Variants in LSAMP observed in about 807,000 individuals in gnomAD.
LSAMP encodes limbic system-associated membrane protein.
In LSAMP, 7 loss-of-function variants were observed where a neutral mutation model predicts 38.6. That is an observed-to-expected ratio of 0.18 (90% confidence interval 0.10 to 0.34). The LOEUF (loss-of-function observed/expected upper bound fraction) is 0.34, where lower values mean the gene tolerates loss of function less well. Among genes scored for constraint, LSAMP ranks in the 10% least tolerant of loss-of-function variants. The pLI, the probability that LSAMP is intolerant of heterozygous loss-of-function variation, is 1.00. For missense variants in LSAMP, 313 were observed against 420.0 expected (o/e 0.75, Z 2.23); for synonymous variants, 154 against 166.8 (o/e 0.92, Z 0.59).
chr3:115,881,304 A>G (rs1336446955), intron 3 of LSAMP, among the ~76,000 whole-genome samples: 2 of 152,252 alleles, frequency 1.3e-5, no homozygotes, highest in Non-Finnish European at 2.9e-5. Flanking sequence ...GCATTAGTAA[A>G]TCAAATTGTC....
At chr3:115,994,679 T>A (rs1241583786) in intron 3 of LSAMP, among the ~76,000 whole-genome samples, 2 of 151,984 alleles carry the variant, frequency 1.3e-5, no homozygotes, top group Non-Finnish European at 2.9e-5. Context: ...TAATGTAGAG[T>A]CATTAAGAGC....
chr3:115,880,645 AG>A (rs1282247006), intron 3 of LSAMP, among the ~76,000 whole-genome samples: 1 of 152,188 alleles, frequency 6.6e-6, no homozygotes, highest in African/African-American at 2.4e-5. Context: ...GTAACCACTG[AG>A]TAAATAGAGA....
chr3:116,382,759 C>T (rs1355150899), intron 1 of LSAMP, among the ~76,000 whole-genome samples: 2 of 151,936 alleles, frequency 1.3e-5, no homozygotes, highest in Non-Finnish European at 2.9e-5. Context: ...TTTAAAGTCC[C>T]CGAGTTTGTT....
chr3:116,380,368 G>A (rs1367485265), intron 1 of LSAMP, among the ~76,000 whole-genome samples: 1 of 151,942 alleles, frequency 6.6e-6, no homozygotes, highest in Admixed American at 6.6e-5. Flanking sequence ...TCATTAAAAG[G>A]TAGTATCTAT....
intron 1 of LSAMP, among the ~76,000 whole-genome samples, chr3:116,236,383 C>T (rs2046465912): frequency 1.3e-5 from 2 of 151,938 alleles, no homozygotes; most frequent in Admixed American, 1.3e-4. Flanking sequence ...ATAAGGTTTC[C>T]AATTTGTTTT....
chr3:116,377,576 G>A (rs2048509930), intron 1 of LSAMP, among the ~76,000 whole-genome samples: 1 of 151,966 alleles, frequency 6.6e-6, no homozygotes, highest in Admixed American at 6.6e-5. Flanking sequence ...AACGATTTAT[G>A]TTCCTTTGGA....
chr3:116,078,151 T>C (rs1559733889), intron 2 of LSAMP, among the ~76,000 whole-genome samples: 1 of 152,142 alleles, frequency 6.6e-6, no homozygotes, highest in Admixed American at 6.5e-5. Flanking sequence ...CTTGCAAGTT[T>C]TAGTATCCAT....
At chr3:115,913,809 A>T (rs956288226) in intron 3 of LSAMP, among the ~76,000 whole-genome samples, 22 of 152,108 alleles carry the variant, frequency 1.4e-4, no homozygotes, top group Non-Finnish European at 2.9e-5. Context: ...TTTTTCATGC[A>T]TGTGTCCCAA....
rs919119663 is a variant in LSAMP, at chr3:115,804,789, A to G, written c.*5528T>C. 1 of 152,142 alleles carries G rather than the reference A, an allele frequency of 6.6e-6. No individual in the cohort carries two copies. Among genetic ancestry groups the G allele is most frequent in the Admixed American group, 6.6e-5 (1 of 15,264 alleles). 9.4% of individuals were successfully genotyped at this position (152,142 alleles called of 1,614,324 possible). On this transcript the variant is annotated 3_prime_UTR_variant, in exon 7 of 7. Transcript: ENST00000490035. The stretch of plus-strand genomic sequence containing the variant: ...TGTCAGGCACTTCAAAAAGACTCCA[A>G]GAGAACATGCCTGAGAAAGATAACT...
At chr3:116,285,009 T>A (rs925144622) in intron 1 of LSAMP, among the ~76,000 whole-genome samples, 1 of 152,222 alleles carries the variant, frequency 6.6e-6, no homozygotes, top group South Asian at 2.1e-4. Context: ...AATGACTGAA[T>A]GATGTTGCTA....
Position 116,177,804 on chromosome 3 carries a change from T to C in LSAMP, c.156-91248A>G, listed in dbSNP as rs147423418. ...TTTAGCATTTATTGAGCACCTACTA[T>C]AGGGAATCACATCCTAGTTATTATG... is the stretch of plus-strand genomic sequence containing the variant. On this transcript the variant is annotated intron_variant, in intron 1 of 6. Coordinates refer to ENST00000490035, the MANE Select transcript of LSAMP (RefSeq NM_002338.5). Among the ~76,000 whole-genome samples the C allele has an allele frequency of 1.6e-3, 251 of 152,224 alleles. 1 individual carries two copies. Among genetic ancestry groups the C allele is most frequent in the African/African-American group, 5.4e-3 (224 of 41,540 alleles).
chr3:116,127,815 T>C (rs570067692), intron 1 of LSAMP, among the ~76,000 whole-genome samples: 3 of 151,808 alleles, frequency 2.0e-5, no homozygotes, highest in South Asian at 4.1e-4. Flanking sequence ...GACATTTCTA[T>C]ATTTCTGCCT....
chr3:116,062,806 T>A (rs1262549095), intron 2 of LSAMP, among the ~76,000 whole-genome samples: 1 of 152,202 alleles, frequency 6.6e-6, no homozygotes, highest in East Asian at 1.9e-4. Context: ...AGAGCCCAAC[T>A]CCAGATATTA....
intron 2 of LSAMP, among the ~76,000 whole-genome samples, chr3:116,081,118 G>C (rs1179310239): frequency 1.3e-5 from 2 of 152,126 alleles, no homozygotes; most frequent in African/African-American, 4.8e-5. Context: ...TGCAAAACTT[G>C]CTTCTAAAAA....
chr3:115,837,654 A>G (rs2107495808), intron 6 of LSAMP, among the ~76,000 whole-genome samples: 1 of 152,298 alleles, frequency 6.6e-6, no homozygotes, highest in East Asian at 1.9e-4. Flanking sequence ...TCGTTGAGTG[A>G]AAAAAGGAGA....
chr3:116,114,748 G>A (rs1708705489), intron 1 of LSAMP, among the ~76,000 whole-genome samples: 1 of 152,146 alleles, frequency 6.6e-6, no homozygotes, highest in Non-Finnish European at 1.5e-5. Context: ...TGAATCCCTT[G>A]GGTAGATTGT....
At chr3:116,236,182 T>C (rs1420119511) in intron 1 of LSAMP, among the ~76,000 whole-genome samples, 2 of 152,158 alleles carry the variant, frequency 1.3e-5, no homozygotes, top group Non-Finnish European at 1.5e-5. Flanking sequence ...CCAAAATATA[T>C]GTTCATTATT....
intron 3 of LSAMP, among the ~76,000 whole-genome samples, chr3:115,956,357 T>A (rs911496968): frequency 6.6e-6 from 1 of 150,832 alleles, no homozygotes; most frequent in East Asian, 1.9e-4. Context: ...AAGAGAGAAG[T>A]TCCAGTTGTA....
chr3:116,205,107 A>G (rs1428298750), intron 1 of LSAMP, among the ~76,000 whole-genome samples: 2 of 145,470 alleles, frequency 1.4e-5, no homozygotes, highest in South Asian at 2.3e-4. Flanking sequence ...CTCCTTGAAG[A>G]GGTCCTTCAC....
Sources: gnomAD v4.1 joint callset for allele counts (sites outside exome capture counted in the v4.1 genomes callset) on GRCh38, gnomAD v4.1.1 for gene constraint, MANE v1.5 for transcripts, NCBI Gene and HGNC (gene_info 2026-07-23, HGNC 2026-07-21) for gene names.